Variants in LRP1B observed in about 807,000 individuals in gnomAD.
LRP1B encodes LDL receptor related protein 1B, also known as low-density lipoprotein receptor-related protein 1B.
LRP1B carries 217 observed loss-of-function variants against 556.6 expected under a neutral mutation model. The observed-to-expected ratio is 0.39, with a 90% CI of 0.35 to 0.44. The LOEUF (loss-of-function observed/expected upper bound fraction) is 0.44. Among genes scored for constraint, LRP1B ranks in the 20% least tolerant of loss-of-function variants. The pLI is 1.00. For missense variants in LRP1B, 5,053 were observed against 5,620.8 expected (o/e 0.90, Z 3.23); for synonymous variants, 2,047 against 1,865.8 (o/e 1.10, Z -2.50).
intron 35 of LRP1B, among the ~76,000 whole-genome samples, chr2:140,738,694 G>A (rs1271623923): frequency 2.0e-5 from 3 of 152,086 alleles, no homozygotes; most frequent in African/African-American, 7.2e-5. Flanking sequence ...ACAGGTGTCA[G>A]TGTGTATCAC....
intron 3 of LRP1B, among the ~76,000 whole-genome samples, chr2:141,321,854 T>C (rs984429003): frequency 6.6e-6 from 1 of 152,068 alleles, no homozygotes; most frequent in Admixed American, 6.6e-5. Context: ...GTTGGTAAAA[T>C]AGCTGTTTTA....
chr2:141,304,644 T>C (rs1334752849), intron 3 of LRP1B, among the ~76,000 whole-genome samples: 3 of 151,258 alleles, frequency 2.0e-5, no homozygotes, highest in Non-Finnish European at 4.4e-5. Context: ...CACACCCAGC[T>C]ATTGTTTTTT....
At chr2:140,915,517 G>C (rs1173122545) in intron 21 of LRP1B, among the ~76,000 whole-genome samples, 1 of 151,906 alleles carries the variant, frequency 6.6e-6, no homozygotes, top group South Asian at 2.1e-4. Context: ...AGTCAGGTGT[G>C]GTGATGCATG....
chr2:141,748,888 T>A (rs1479328710), intron 2 of LRP1B, among the ~76,000 whole-genome samples: 1 of 152,110 alleles, frequency 6.6e-6, no homozygotes, highest in Non-Finnish European at 1.5e-5. Flanking sequence ...ATTCATTATC[T>A]CCCAGAAACA....
At chr2:141,712,778 T>A (rs1405978726) in intron 2 of LRP1B, among the ~76,000 whole-genome samples, 1 of 151,258 alleles carries the variant, frequency 6.6e-6, no homozygotes, top group Non-Finnish European at 1.5e-5. Context: ...CAACTGAATC[T>A]CCTGCCTCAG....
rs2105584986 is a variant in LRP1B, at chr2:141,368,452, C to T, written c.343+111944G>A. Among the ~76,000 whole-genome samples the T allele has an allele frequency of 1.3e-5, 2 of 152,226 alleles. 1 individual carries two copies. The highest frequency in any genetic ancestry group is 1.3e-4 in the Admixed American group (2 of 15,290). ...GTTATACTACAGAGGGGAAAAGTTC[C>T]TTGTTGATGGAGAAGTTCCTTAGCT... On this transcript the variant is annotated intron_variant, in intron 3 of 90. Coordinates refer to ENST00000389484, the MANE Select transcript of LRP1B (RefSeq NM_018557.3).
intron 1 of LRP1B, among the ~76,000 whole-genome samples, chr2:141,931,771 T>G (rs1700514157): frequency 6.6e-6 from 1 of 152,028 alleles, no homozygotes; most frequent in Non-Finnish European, 1.5e-5. Context: ...GAAGATGTAT[T>G]CTGTGCAAAA....
At chr2:140,650,307 ATTTT>A (rs1171957297) in intron 41 of LRP1B, among the ~76,000 whole-genome samples, 20 of 139,084 alleles carry the variant, frequency 1.4e-4, no homozygotes, top group African/African-American at 2.4e-4. Flanking sequence ...CTTTATTTTT[ATTTT>A]TATTTATTTA....
chr2:141,188,290 G>A (rs576945446), intron 7 of LRP1B, 131 bp downstream of exon 7: 3 of 852,410 alleles, frequency 3.5e-6, no homozygotes, highest in South Asian at 3.3e-5. Flanking sequence ...CTGCGACACA[G>A]TTGTTAAAAT....
rs186859527 is a variant in LRP1B at position 141,386,296 on chromosome 2, T to C, written c.343+94100A>G. 3.9e-3 allele frequency among the ~76,000 whole-genome samples: 594 copies of C among 152,244 alleles called. 5 individuals are homozygous for C. Among genetic ancestry groups the C allele is most frequent in the African/African-American group, 0.013 (530 of 41,576 alleles). On this transcript the variant is annotated intron_variant, in intron 3 of 90. Transcript: ENST00000389484. ...CACTTATGGTTTCAAACATTTTGGA[T>C]AAGGAATATTCAATCTGTAATACAT...
chr2:142,033,947 A>T (rs1173926979), intron 1 of LRP1B, among the ~76,000 whole-genome samples: 2 of 151,804 alleles, frequency 1.3e-5, no homozygotes, highest in Non-Finnish European at 2.9e-5. Flanking sequence ...ACTCATTTTC[A>T]GTTTGATCCA....
rs148947586 is a variant in LRP1B, at chr2:140,306,869, T to A, written c.12805+8066A>T. 1.5e-3 allele frequency among the ~76,000 whole-genome samples: 223 copies of A among 152,304 alleles called. 4 individuals carry two copies. In the East Asian group the frequency reaches 0.04, roughly 27 times the overall value. On this transcript the variant is annotated intron_variant, in intron 83 of 90. Transcript: ENST00000389484. ...CTGGTATGTTGTGTCTTTGTTCTCA[T>A]TGGTTCCAAAGAACATTTTTATTTC... is the stretch of plus-strand genomic sequence containing the variant.
intron 3 of LRP1B, among the ~76,000 whole-genome samples, chr2:141,411,093 A>ACTC (rs954385287): frequency 1.3e-5 from 2 of 152,116 alleles, no homozygotes; most frequent in Admixed American, 1.3e-4. Context: ...TTATTTTAAT[A>ACTC]CTCTTATAAA....
At chr2:140,407,409 C>A (rs1024101331) in intron 66 of LRP1B, among the ~76,000 whole-genome samples, 2 of 151,828 alleles carry the variant, frequency 1.3e-5, no homozygotes, top group African/African-American at 4.8e-5. Context: ...GAATAAGAGA[C>A]AATATTTGCA....
intron 37 of LRP1B, among the ~76,000 whole-genome samples, chr2:140,710,032 CATA>C (rs1686978757): frequency 6.6e-6 from 1 of 152,084 alleles, no homozygotes; most frequent in Non-Finnish European, 1.5e-5. Flanking sequence ...ATCCGTGTGA[CATA>C]ATATTTTTAA....
chr2:140,988,198 A>G (rs1409393370), intron 17 of LRP1B, among the ~76,000 whole-genome samples: 4 of 152,004 alleles, frequency 2.6e-5, no homozygotes, highest in Non-Finnish European at 5.9e-5. Context: ...AAGTTTAGGC[A>G]AGTTCCCTCT....
intron 3 of LRP1B, among the ~76,000 whole-genome samples, chr2:141,297,737 A>G (rs2105423004): frequency 6.6e-6 from 1 of 152,324 alleles, no homozygotes; most frequent in Middle Eastern, 3.4e-3. Context: ...CTGTCAATGA[A>G]GGACCCCATA....
chr2:141,751,234 G>C (rs11891082), intron 2 of LRP1B, among the ~76,000 whole-genome samples: 70 of 152,018 alleles, frequency 4.6e-4, no homozygotes, highest in African/African-American at 1.5e-3. Flanking sequence ...AAAGGTATTG[G>C]TGAATGTATT....
intron 1 of LRP1B, among the ~76,000 whole-genome samples, chr2:141,969,625 C>T (rs1001348010): frequency 3.3e-5 from 5 of 151,612 alleles, no homozygotes; most frequent in Admixed American, 2.6e-4. Flanking sequence ...TGTGTTTCTA[C>T]ACCATACTTT....
Sources: allele counts gnomAD v4.1 joint callset (sites outside exome capture counted in the v4.1 genomes callset), GRCh38; gene constraint gnomAD v4.1.1; transcripts MANE v1.5; gene names NCBI Gene and HGNC (gene_info 2026-07-23, HGNC 2026-07-21).